DHX34: variants seen among roughly 807,000 people sequenced by gnomAD.
DHX34 encodes the protein DExH-box helicase 34.
Under a neutral mutation model 111.1 loss-of-function variants are expected in DHX34, and 96 were observed. That is an observed-to-expected ratio of 0.86 (90% confidence interval 0.73 to 1.02). The LOEUF is 1.02. Among genes scored for constraint, DHX34 ranks in the 50% least tolerant of loss-of-function variants. The probability of loss-of-function intolerance (pLI) is 0.00; values close to 1 mark genes in which losing one functional copy is unlikely to be tolerated. For missense variants in DHX34, 1,560 were observed against 1,579.9 expected, an observed-to-expected ratio of 0.99 and a Z score of 0.21; for synonymous variants, 688 against 670.4, an observed-to-expected ratio of 1.03 and a Z score of -0.41.
intron 3 of DHX34, among the ~76,000 whole-genome samples, chr19:47,357,256 G>C (rs1969484739): frequency 6.6e-6 from 1 of 152,164 alleles, no homozygotes; most frequent in Non-Finnish European, 1.5e-5. Flanking sequence ...CTAAACATAA[G>C]ATAATGCATG....
Position 47,361,751 on chromosome 19 carries a change from A to G in DHX34, c.1376-725A>G, listed in dbSNP as rs556471783. Among the ~76,000 whole-genome samples the G allele has an allele frequency of 2.0e-5, 3 of 152,102 alleles. No homozygotes were observed. The South Asian group carries it at 6.2e-4, about 32-fold the overall frequency. ...TGTGCCATTGCACTCCAGCCTGGGC[A>G]ATAAGAGTGAAACTCCATCTCAAAA... On this transcript the variant is annotated intron_variant, in intron 5 of 16. Transcript: ENST00000328771.
rs140274737 is a variant in DHX34, at chr19:47,356,085, T to C, written c.1017+735T>C. Among the ~76,000 whole-genome samples, 11 of 152,208 alleles carry C rather than the reference T, an allele frequency of 7.2e-5. No individual in the cohort carries two copies. In the East Asian group the frequency reaches 9.6e-4, roughly 13 times the overall value. ...TTGTCGTGGGGGCTGTCCTGTGCAT[T>C]GTAGGATATCTAGCAGCATCCCTGG... On this transcript the variant is annotated intron_variant, in intron 3 of 16. Transcript: ENST00000328771.
chr19:47,376,791 G>T, intron 12 of DHX34: 1 of 1,498,580 alleles, frequency 6.7e-7, no homozygotes, highest in Non-Finnish European at 8.9e-7. Flanking sequence ...AGCCAGTGTG[G>T]CTGTGCCCAG....
At chr19:47,359,716 A>G in intron 4 of DHX34, 1 of 344,332 alleles carries the variant, frequency 2.9e-6, no homozygotes, top group Non-Finnish European at 4.1e-6. Context: ...CGGGAGGCAG[A>G]GGTTGCAGTG....
Position 47,368,456 on chromosome 19 carries a change from G to A in DHX34, c.1768+1301G>A, listed in dbSNP as rs550389595. ...CGAGTAGCTGGGATTACAGGCATGCGCCACCATGCCCGGCTAATTTTGTAT... is the reference window on the plus strand; with the variant it reads ...CGAGTAGCTGGGATTACAGGCATGCACCACCATGCCCGGCTAATTTTGTAT... On this transcript the variant is annotated intron_variant, in intron 7 of 16. Transcript: ENST00000328771. Among the ~76,000 whole-genome samples, 220 of 150,244 alleles carry A rather than the reference G, an allele frequency of 1.5e-3. 1 individual carries two copies. Among genetic ancestry groups the A allele is most frequent in the African/African-American group, 5.0e-3 (204 of 40,794 alleles).
At chr19:47,378,903 G>T (rs190427819) in intron 13 of DHX34, among the ~76,000 whole-genome samples, 1 of 152,180 alleles carries the variant, frequency 6.6e-6, no homozygotes, top group Admixed American at 6.5e-5. Flanking sequence ...GCCGAGGTGT[G>T]TGGATCAGTT....
At chr19:47,359,889 G>C (rs374233273) in intron 4 of DHX34, 79 bp from the exon 5 acceptor site, 38 of 1,603,238 alleles carry the variant, frequency 2.4e-5, no homozygotes, top group Non-Finnish European at 3.1e-5. Flanking sequence ...CTGCTGACAC[G>C]GGGGTGGGCA....
Position 47,355,314 on chromosome 19 carries a change from T to A in DHX34, c.981T>A (p.Pro327=), listed in dbSNP as rs762538682. Residue 327 remains proline (P), a synonymous_variant, in exon 3 of 17, where the codon CCT becomes CCA. Coordinates refer to ENST00000328771, the MANE Select transcript of DHX34 (RefSeq NM_014681.6). ...TCTCCAGCTATTTCAGCAATGCCCCTGTGGTACAGGTGCCTGGGAGGCTGT... is the reference window on the plus strand; with the variant it reads ...TCTCCAGCTATTTCAGCAATGCCCCAGTGGTACAGGTGCCTGGGAGGCTGT... The part of the protein sequence containing the change: ...SLFSSYFSNA[P]VVQVPGRLFP... 1 of 1,614,102 alleles carries A rather than the reference T, an allele frequency of 6.2e-7. No homozygotes were observed. The highest frequency in any genetic ancestry group is 1.7e-5 in the Admixed American group (1 of 60,020).
At chr19:47,356,557 A>T (rs1969463226) in intron 3 of DHX34, among the ~76,000 whole-genome samples, 1 of 150,962 alleles carries the variant, frequency 6.6e-6, no homozygotes, top group Non-Finnish European at 1.5e-5. Context: ...TTGAACCCGG[A>T]GGTCGAGGTT....
chr19:47,381,568 T>A, intron 16 of DHX34: 1 of 610,288 alleles, frequency 1.6e-6, no homozygotes, highest in Non-Finnish European at 2.8e-6. Flanking sequence ...GCTGTCTTTG[T>A]CTCTGTTTCT....
At position 47,376,758 on chromosome 19, in the gene DHX34, G is replaced by T. The variant is rs963809499; in HGVS notation, c.2599+198G>T. The T allele has an allele frequency of 5.5e-6, 8 of 1,443,730 alleles. No individual in the cohort carries two copies. In the African/African-American group the frequency reaches 5.6e-5, roughly 10 times the overall value. 89.4% of individuals were successfully genotyped at this position (1,443,730 alleles called of 1,614,324 possible). On this transcript the variant is annotated intron_variant, in intron 12 of 16. Coordinates refer to ENST00000328771, the MANE Select transcript of DHX34 (RefSeq NM_014681.6). ...TCACCCCTGCTGGGCCTCACCTTCC[G>T]CATGGTGGTGATAGTCAACCTAAGC...
At chr19:47,372,946 T>G in intron 8 of DHX34, 23 bp downstream of exon 8, 1 of 1,378,368 alleles carries the variant, frequency 7.3e-7, no homozygotes, top group Non-Finnish European at 9.6e-7. Flanking sequence ...GTGGGGGCCC[T>G]CTGTCTGTCA....
At position 47,381,202 on chromosome 19, in the gene DHX34, A is replaced by T; in HGVS notation, c.3176A>T (p.Tyr1059Phe). The T allele has an allele frequency of 6.2e-7, 1 of 1,614,026 alleles. No individual in the cohort carries two copies. The highest frequency in any genetic ancestry group is 8.5e-7 in the Non-Finnish European group (1 of 1,179,918). ...YNCLTNDTDL[Y>F]SDCLRTFWTC... ...CTGCCACAGAATGACACAGACCTGT[A>T]CAGCGACTGTCTCCGAACCTTCTGG... Residue 1059 changes from tyrosine to phenylalanine, a missense_variant, in exon 16 of 17, where the codon TAC becomes TTC. Tyr to Phe is a conservative substitution (Grantham distance 22). Transcript: ENST00000328771.
intron 7 of DHX34, among the ~76,000 whole-genome samples, chr19:47,368,715 T>C (rs937941799): frequency 6.8e-6 from 1 of 146,386 alleles, no homozygotes; most frequent in Non-Finnish European, 1.5e-5. Flanking sequence ...CATATATATA[T>C]GTTTTTTTTT....
Position 47,359,952 on chromosome 19 carries a change from C to G in DHX34, c.1273-16C>G. The G allele has an allele frequency of 1.2e-6, 2 of 1,614,008 alleles. No individual in the cohort carries two copies. Among genetic ancestry groups the G allele is most frequent in the African/African-American group, 1.3e-5 (1 of 75,026 alleles). ...GCTGAGTTAGTTCCTGACACCACCC[C>G]CTCCCTTCCTCCCAGGTATTTGATG... On this transcript the variant is annotated splice_polypyrimidine_tract_variant and intron_variant, in intron 4 of 16. Transcript: ENST00000328771.
Position 47,372,872 on chromosome 19 carries a change from C to T in DHX34, c.1911C>T (p.Ser637=), listed in dbSNP as rs141132877. Residue 637 remains serine, a synonymous_variant, in exon 8 of 17, where the codon AGC becomes AGT. Transcript: ENST00000328771. ...ECAAARRPLE[S]DQGDPFTLFN... is the part of the protein sequence containing the mutation. ...CGGCAGCACGGCGGCCGCTGGAGAGCGACCAGGGTGACCCCTTCACGCTCT... is the reference window on the plus strand; with the variant it reads ...CGGCAGCACGGCGGCCGCTGGAGAGTGACCAGGGTGACCCCTTCACGCTCT... The T allele has an allele frequency of 2.4e-4, 389 of 1,610,098 alleles. No individual in the cohort carries two copies. Among genetic ancestry groups the T allele is most frequent in the Non-Finnish European group, 3.1e-4 (360 of 1,179,578 alleles).
At chr19:47,380,114 G>T in intron 14 of DHX34, 129 bp downstream of exon 14, 1 of 1,411,184 alleles carries the variant, frequency 7.1e-7, no homozygotes. Flanking sequence ...TCAGGCCACA[G>T]AGGTTCAGTC....
At chr19:47,350,928 G>T (rs1469077752) in intron 1 of DHX34, among the ~76,000 whole-genome samples, 5 of 152,044 alleles carry the variant, frequency 3.3e-5, no homozygotes, top group African/African-American at 1.2e-4. Context: ...GAGGCCTGAA[G>T]ATGGAGTGGA....
At position 47,382,327 on chromosome 19, in the gene DHX34, T is replaced by TGTTA; in HGVS notation, c.*217_*220dup. On this transcript the variant is annotated 3_prime_UTR_variant, in exon 17 of 17. Coordinates refer to ENST00000328771, the MANE Select transcript of DHX34 (RefSeq NM_014681.6). Reference sequence around the variant, plus strand: ...CCCATCCAGAAAGCAGCAGCTGCCTTGTTAGTCCTCCCCAGGGTCTAGCTT... The same window carrying TGTTA: ...CCCATCCAGAAAGCAGCAGCTGCCTTGTTAGTTAGTCCTCCCCAGGGTCTAGCTT... 1.2e-6 allele frequency: 1 copy of TGTTA among 839,528 alleles called. No homozygotes were observed. The highest frequency in any genetic ancestry group is 1.7e-6 in the Non-Finnish European group (1 of 573,950). The allele number at this position is 839,528 out of a possible 1,614,324, so 52.0% of individuals were successfully genotyped here. A position where few individuals can be genotyped will look rare whatever the true frequency, so the allele number is the denominator to read the frequency against.
Sources: allele counts gnomAD v4.1 joint callset (sites outside exome capture counted in the v4.1 genomes callset), GRCh38; gene constraint gnomAD v4.1.1; transcripts MANE v1.5; gene names NCBI Gene and HGNC (gene_info 2026-07-23, HGNC 2026-07-21).